The following FRAS1 variants were observed in gnomAD, a reference collection of about 807,000 sequenced individuals.
FRAS1 encodes the protein Fraser extracellular matrix complex subunit 1.
FRAS1 carries 290 observed loss-of-function variants against 435.2 expected under a neutral mutation model. That is an observed-to-expected ratio of 0.67 (90% CI 0.61 to 0.73). The LOEUF (loss-of-function observed/expected upper bound fraction) is 0.73. Ranked by LOEUF, FRAS1 falls within the 30% of genes least tolerant of loss-of-function variation. The pLI, the probability that FRAS1 is intolerant of heterozygous loss-of-function variation, is 0.00. For missense variants in FRAS1, 4,860 were observed against 5,001.5 expected (o/e 0.97, Z 0.85); for synonymous variants, 1,800 against 1,851.0 (o/e 0.97, Z 0.71).
chr4:78,287,145 G>GGAGAGAGAGAGA (rs1250321542), intron 14 of FRAS1, among the ~76,000 whole-genome samples: 2 of 151,590 alleles, frequency 1.3e-5, no homozygotes, highest in African/African-American at 4.9e-5. Context: ...CATGGTGTCT[G>GGAGAGAGAGAGA]GAGAGAGAGA....
At chr4:78,125,737 T>A (rs2109972436) in intron 2 of FRAS1, among the ~76,000 whole-genome samples, 1 of 152,266 alleles carries the variant, frequency 6.6e-6, no homozygotes, top group Admixed American at 6.5e-5. Flanking sequence ...TTCTGCCTGA[T>A]CGTTCTTCTG....
chr4:78,157,571 G>T (rs1275227610), intron 2 of FRAS1, among the ~76,000 whole-genome samples: 1 of 152,140 alleles, frequency 6.6e-6, no homozygotes, highest in Non-Finnish European at 1.5e-5. Flanking sequence ...GACAATTAGT[G>T]ATACTAAGCA....
intron 59 of FRAS1, among the ~76,000 whole-genome samples, chr4:78,491,074 C>T (rs1012184423): frequency 2.6e-5 from 4 of 152,074 alleles, no homozygotes; most frequent in African/African-American, 9.7e-5. Flanking sequence ...GGATAAATGC[C>T]TGGACACATA....
intron 2 of FRAS1, among the ~76,000 whole-genome samples, chr4:78,083,711 T>G (rs1352017336): frequency 6.7e-6 from 1 of 149,680 alleles, no homozygotes; most frequent in East Asian, 2.0e-4. Context: ...TTTTTTGTGA[T>G]AACAGTGATA....
chr4:78,080,537 G>A (rs548247265), intron 2 of FRAS1, among the ~76,000 whole-genome samples: 2 of 152,192 alleles, frequency 1.3e-5, no homozygotes, highest in South Asian at 2.1e-4. Context: ...TACATTCTAT[G>A]GTTCAGAGTT....
intron 2 of FRAS1, among the ~76,000 whole-genome samples, chr4:78,169,497 C>G (rs1578164364): frequency 6.6e-6 from 1 of 152,222 alleles, no homozygotes; most frequent in Non-Finnish European, 1.5e-5. Context: ...ACGTGCACCT[C>G]ACAGGGTTGT....
At chr4:78,397,763 A>G (rs28645909) in intron 29 of FRAS1, among the ~76,000 whole-genome samples, 21,218 of 152,158 alleles carry the variant, frequency 0.14, 1,863 homozygotes, top group African/African-American at 0.25. Flanking sequence ...TTCTGGATGG[A>G]GTGAGACAGA....
chr4:78,393,805 G>A (rs570024546), intron 29 of FRAS1, among the ~76,000 whole-genome samples: 3 of 152,148 alleles, frequency 2.0e-5, no homozygotes, highest in African/African-American at 7.2e-5. Context: ...TCATATGGTA[G>A]TTTGTTTTTA....
At chr4:78,400,029 C>T (rs1732819710) in intron 29 of FRAS1, among the ~76,000 whole-genome samples, 1 of 152,174 alleles carries the variant, frequency 6.6e-6, no homozygotes, top group African/African-American at 2.4e-5. Flanking sequence ...AACCTGGCTC[C>T]CTGAGCCCTA....
intron 71 of FRAS1, among the ~76,000 whole-genome samples, chr4:78,536,682 T>C (rs1721892848): frequency 6.6e-6 from 1 of 152,222 alleles, no homozygotes; most frequent in Non-Finnish European, 1.5e-5. Context: ...TCCTCTCAAC[T>C]GCATCTCACA....
At chr4:78,366,389 G>A (rs563533136) in intron 22 of FRAS1, among the ~76,000 whole-genome samples, 2 of 152,188 alleles carry the variant, frequency 1.3e-5, no homozygotes, top group African/African-American at 4.8e-5. Context: ...CACTGCTGGG[G>A]AGCTAGAGTA....
At chr4:78,511,644 A>C in intron 64 of FRAS1, 138 bp downstream of exon 64, 1 of 762,926 alleles carries the variant, frequency 1.3e-6, no homozygotes, top group Non-Finnish European at 2.3e-6. Flanking sequence ...AAAAGTTTAA[A>C]TCTGTGAAGG....
At chr4:78,288,218 C>T (rs1415020957) in intron 14 of FRAS1, among the ~76,000 whole-genome samples, 1 of 152,186 alleles carries the variant, frequency 6.6e-6, no homozygotes, top group Non-Finnish European at 1.5e-5. Context: ...AATGGTTGGG[C>T]AATTTAGGTA....
intron 65 of FRAS1, among the ~76,000 whole-genome samples, chr4:78,515,313 G>T (rs939846277): frequency 7.1e-6 from 1 of 139,894 alleles, no homozygotes; most frequent in African/African-American, 2.7e-5. Flanking sequence ...GTCAAATGTA[G>T]GTATGCTGGC....
At chr4:78,479,824 T>C in intron 56 of FRAS1, 106 bp downstream of exon 56, 1 of 831,706 alleles carries the variant, frequency 1.2e-6, no homozygotes, top group Non-Finnish European at 1.8e-6. Flanking sequence ...AGAATGCCAT[T>C]CCTCAGGGAT....
chr4:78,216,360 C>CT (rs1422810676), intron 2 of FRAS1, among the ~76,000 whole-genome samples: 1 of 152,184 alleles, frequency 6.6e-6, no homozygotes, highest in Non-Finnish European at 1.5e-5. Context: ...ACCCATATCT[C>CT]TTTTGCTGCA....
chr4:78,531,568 G>A (rs62310310), intron 70 of FRAS1, among the ~76,000 whole-genome samples: 55,927 of 151,910 alleles, frequency 0.37, 10,486 homozygotes, highest in South Asian at 0.54. Flanking sequence ...GTATTTTATC[G>A]TAGGCCTTTT....
At chr4:78,393,499 T>A (rs1732533516) in intron 29 of FRAS1, among the ~76,000 whole-genome samples, 1 of 152,110 alleles carries the variant, frequency 6.6e-6, no homozygotes, top group Non-Finnish European at 1.5e-5. Context: ...GTTTGGCTAT[T>A]TCAGATTCCA....
At chr4:78,422,850 G>T (rs1373304477) in intron 34 of FRAS1, among the ~76,000 whole-genome samples, 1 of 152,198 alleles carries the variant, frequency 6.6e-6, no homozygotes, top group Non-Finnish European at 1.5e-5. Flanking sequence ...GCCAGTGAGG[G>T]TCCTGCAGTA....
Sources: gnomAD v4.1 joint callset for allele counts (sites outside exome capture counted in the v4.1 genomes callset) on GRCh38, gnomAD v4.1.1 for gene constraint, MANE v1.5 for transcripts, NCBI Gene and HGNC (gene_info 2026-07-23, HGNC 2026-07-21) for gene names.